Variants in KCNQ5 observed in about 807,000 individuals in gnomAD.
KCNQ5 encodes potassium voltage-gated channel subfamily KQT member 5.
In KCNQ5, 30 loss-of-function variants were observed where a neutral mutation model predicts 98.2. The ratio of observed to expected loss-of-function variants is 0.31; its 90% CI spans 0.23 to 0.41. KCNQ5 has a LOEUF of 0.41. KCNQ5 is among the 10% of genes least tolerant of loss of function. The pLI, the probability that KCNQ5 is intolerant of heterozygous loss-of-function variation, is 1.00. For missense variants in KCNQ5, 835 were observed against 1,182.5 expected, an observed-to-expected ratio of 0.71 and a Z score of 4.31; for synonymous variants, 458 against 449.4, an observed-to-expected ratio of 1.02 and a Z score of -0.24.
intron 1 of KCNQ5, among the ~76,000 whole-genome samples, chr6:72,977,263 G>A (rs907685077): frequency 1.3e-5 from 2 of 152,172 alleles, no homozygotes; most frequent in African/African-American, 4.8e-5. Flanking sequence ...TATGAGCTTG[G>A]GGATCAGCTG....
chr6:73,149,813 A>C (rs1211560029), intron 10 of KCNQ5, among the ~76,000 whole-genome samples: 1 of 144,350 alleles, frequency 6.9e-6, no homozygotes, highest in Non-Finnish European at 1.5e-5. Flanking sequence ...AAAAAGAGAG[A>C]GAGAGAGAGA....
intron 3 of KCNQ5, among the ~76,000 whole-genome samples, chr6:73,051,238 C>T (rs1053003790): frequency 3.9e-5 from 6 of 152,158 alleles, no homozygotes; most frequent in African/African-American, 1.4e-4. Flanking sequence ...TGCATGGAGG[C>T]TGGCAGCCCC....
intron 1 of KCNQ5, among the ~76,000 whole-genome samples, chr6:72,716,113 T>C (rs1322483178): frequency 1.3e-5 from 2 of 152,200 alleles, no homozygotes; most frequent in Non-Finnish European, 2.9e-5. Flanking sequence ...TTGCTCATCT[T>C]GATTATTTAT....
At chr6:73,098,549 G>A (rs150876959) in intron 5 of KCNQ5, among the ~76,000 whole-genome samples, 3,307 of 152,272 alleles carry the variant, frequency 0.022, 121 homozygotes, top group African/African-American at 0.076. Context: ...AATACATCTG[G>A]CAGCAGACTT....
chr6:73,194,948 C>A lies in KCNQ5; in HGVS notation c.2333C>A (p.Ser778Tyr). 1 of 1,614,218 alleles carries A rather than the reference C, an allele frequency of 6.2e-7. No individual in the cohort carries two copies. Among genetic ancestry groups the A allele is most frequent in the Non-Finnish European group, 8.5e-7 (1 of 1,180,042 alleles). Residue 778 changes from serine (S) to tyrosine (Y), a missense_variant, in exon 14 of 14, where the codon TCT becomes TAT. Ser to Tyr is a moderately radical substitution (Grantham distance 144). This residue lies in a region of KCNQ5 where 416 missense variants were observed against 446.9 expected (regional missense o/e 0.93). Coordinates refer to ENST00000370398, the MANE Select transcript of KCNQ5 (RefSeq NM_019842.4). ...PNPAGLQESI[S>Y]DVTTCLVASK... is the part of the protein sequence containing the mutation. ...CCTGCAGGCTTACAGGAAAGCATTT[C>A]TGACGTCACCACCTGCCTTGTTGCC...
chr6:72,677,010 AT>A (rs1767448511), intron 1 of KCNQ5: 1 of 151,954 alleles, frequency 6.6e-6, no homozygotes, highest in Non-Finnish European at 1.5e-5. Flanking sequence ...CAAGTTTTGA[AT>A]TTTTTTGAAG....
At chr6:72,657,084 T>C (rs1582060594) in intron 1 of KCNQ5, among the ~76,000 whole-genome samples, 2 of 152,032 alleles carry the variant, frequency 1.3e-5, no homozygotes, top group East Asian at 3.9e-4. Flanking sequence ...GTGGTGAATG[T>C]CTATAGTCGT....
chr6:73,049,379 T>C (rs1772111221), intron 3 of KCNQ5, among the ~76,000 whole-genome samples: 1 of 152,238 alleles, frequency 6.6e-6, no homozygotes, highest in Non-Finnish European at 1.5e-5. Flanking sequence ...ATAGAGCTTA[T>C]AAAGCAGCAC....
intron 3 of KCNQ5, among the ~76,000 whole-genome samples, chr6:73,068,017 C>T (rs760353703): frequency 2.6e-5 from 4 of 151,804 alleles, no homozygotes; most frequent in African/African-American, 4.8e-5. Context: ...ATAATCTGGC[C>T]AGGTGCAATG....
At chr6:73,151,003 C>A (rs1037897079) in intron 10 of KCNQ5, among the ~76,000 whole-genome samples, 2 of 151,986 alleles carry the variant, frequency 1.3e-5, no homozygotes, top group Non-Finnish European at 2.9e-5. Context: ...TATATCTTGA[C>A]TGGATCAGTG....
intron 1 of KCNQ5, among the ~76,000 whole-genome samples, chr6:72,719,352 C>A (rs1349259617): frequency 6.6e-6 from 1 of 152,208 alleles, no homozygotes; most frequent in Non-Finnish European, 1.5e-5. Flanking sequence ...GATAACTAGG[C>A]TCAGAAGCCC....
At chr6:72,978,726 G>A (rs909058827) in intron 1 of KCNQ5, among the ~76,000 whole-genome samples, 8 of 152,282 alleles carry the variant, frequency 5.3e-5, no homozygotes, top group Admixed American at 4.6e-4. Flanking sequence ...TGTGCACAAC[G>A]TGCAGGTTTG....
chr6:72,987,098 G>A (rs1035107413), intron 1 of KCNQ5: 1 of 664,214 alleles, frequency 1.5e-6, no homozygotes, highest in African/African-American at 1.8e-5. Context: ...AGCCAAAGTT[G>A]AGGCTCCGGA....
At chr6:72,812,460 A>G (rs1185576082) in intron 1 of KCNQ5, among the ~76,000 whole-genome samples, 1 of 152,228 alleles carries the variant, frequency 6.6e-6, no homozygotes, top group African/African-American at 2.4e-5. Context: ...AGGGAATATC[A>G]TTTATACTCT....
intron 1 of KCNQ5, among the ~76,000 whole-genome samples, chr6:72,674,369 T>C (rs1485118864): frequency 1.3e-5 from 2 of 152,106 alleles, no homozygotes; most frequent in African/African-American, 2.4e-5. Context: ...ACAGTGCACA[T>C]TGCTCAGGTG....
chr6:73,043,612 G>A (rs1771820213), intron 3 of KCNQ5, among the ~76,000 whole-genome samples: 1 of 152,130 alleles, frequency 6.6e-6, no homozygotes, highest in Non-Finnish European at 1.5e-5. Flanking sequence ...GTCCCATAAG[G>A]GGCCCAAACA....
chr6:72,789,006 C>A (rs1231256051), intron 1 of KCNQ5, among the ~76,000 whole-genome samples: 1 of 152,190 alleles, frequency 6.6e-6, no homozygotes, highest in Non-Finnish European at 1.5e-5. Context: ...CCTTTAAATA[C>A]CAATGCCAAG....
intron 2 of KCNQ5, among the ~76,000 whole-genome samples, chr6:73,008,994 T>C (rs964235667): frequency 2.6e-5 from 4 of 152,164 alleles, no homozygotes; most frequent in African/African-American, 9.7e-5. Flanking sequence ...GCCTTTGTTT[T>C]ATTTTTTTTT....
At chr6:73,181,223 C>T (rs1392062730) in intron 11 of KCNQ5, among the ~76,000 whole-genome samples, 1 of 152,210 alleles carries the variant, frequency 6.6e-6, no homozygotes, top group East Asian at 1.9e-4. Context: ...TCTAGTGGTA[C>T]TGCTGGGGCA....
Sources: allele counts gnomAD v4.1 joint callset (sites outside exome capture counted in the v4.1 genomes callset), GRCh38; gene constraint gnomAD v4.1.1; regional missense constraint gnomAD v4.1.1; transcripts MANE v1.5; gene names NCBI Gene and HGNC (gene_info 2026-07-23, HGNC 2026-07-21).